PCDH9: variants seen among roughly 807,000 people sequenced by gnomAD.
The protein encoded by PCDH9 is protocadherin 9.
Under a neutral mutation model 70.6 loss-of-function variants are expected in PCDH9, and 24 were observed. That is an observed-to-expected ratio of 0.34 (90% CI 0.25 to 0.48). The LOEUF is 0.48. PCDH9 is among the 20% of genes least tolerant of loss of function. The probability of loss-of-function intolerance (pLI) is 0.99; values close to 1 mark genes in which losing one functional copy is unlikely to be tolerated. For missense variants in PCDH9, 1,281 were observed against 1,503.6 expected (o/e 0.85, Z 2.45); for synonymous variants, 562 against 558.5 (o/e 1.01, Z -0.09).
At chr13:66,417,881 C>T (rs1209672530) in intron 4 of PCDH9, among the ~76,000 whole-genome samples, 2 of 151,946 alleles carry the variant, frequency 1.3e-5, no homozygotes, top group African/African-American at 2.4e-5. Context: ...AATTTGTTTA[C>T]GTTCCTTGTA....
chr13:66,736,493 G>T (rs1261883234), intron 3 of PCDH9, among the ~76,000 whole-genome samples: 1 of 152,152 alleles, frequency 6.6e-6, no homozygotes, highest in Non-Finnish European at 1.5e-5. Context: ...CTAGTCTCAA[G>T]AACTGTTAGA....
chr13:66,997,676 G>A (rs944386591), intron 2 of PCDH9, among the ~76,000 whole-genome samples: 1 of 151,894 alleles, frequency 6.6e-6, no homozygotes, highest in Admixed American at 6.6e-5. Context: ...CTGGGACTAC[G>A]GGCGCACATC....
At chr13:67,011,332 C>A (rs1340725167) in intron 2 of PCDH9, among the ~76,000 whole-genome samples, 1 of 151,870 alleles carries the variant, frequency 6.6e-6, no homozygotes, top group African/African-American at 2.4e-5. Flanking sequence ...TAGTGAATTA[C>A]AAATTTATCA....
chr13:67,116,437 T>G (rs1288204411), intron 2 of PCDH9, among the ~76,000 whole-genome samples: 2 of 152,240 alleles, frequency 1.3e-5, no homozygotes, highest in Middle Eastern at 3.4e-3. Flanking sequence ...GTTTATCCAG[T>G]CAGGAAGGAG....
At chr13:66,737,545 C>T (rs775402932) in intron 3 of PCDH9, among the ~76,000 whole-genome samples, 60 of 152,074 alleles carry the variant, frequency 3.9e-4, no homozygotes, top group Non-Finnish European at 4.0e-4. Context: ...GCGTGAGCGA[C>T]GCAGAAGACG....
intron 2 of PCDH9, among the ~76,000 whole-genome samples, chr13:67,027,825 C>T (rs1436964948): frequency 1.0e-5 from 1 of 95,284 alleles, no homozygotes; most frequent in East Asian, 2.0e-3. Context: ...AAAATGCTCA[C>T]CATCACTGGC....
chr13:66,503,714 T>C (rs1959189229), intron 4 of PCDH9, among the ~76,000 whole-genome samples: 1 of 152,324 alleles, frequency 6.6e-6, no homozygotes, highest in South Asian at 2.1e-4. Context: ...GCGCTTTGCA[T>C]AGTATGCTTT....
At chr13:66,928,500 G>C (rs2082751917) in intron 2 of PCDH9, among the ~76,000 whole-genome samples, 3 of 152,098 alleles carry the variant, frequency 2.0e-5, no homozygotes, top group African/African-American at 7.2e-5. Flanking sequence ...ATAGTCTGAA[G>C]GTTTGTGTTC....
chr13:67,126,568 G>T (rs1434734339), intron 2 of PCDH9, among the ~76,000 whole-genome samples: 1 of 152,100 alleles, frequency 6.6e-6, no homozygotes, highest in Non-Finnish European at 1.5e-5. Context: ...AAATAAATAG[G>T]GGCCTGGCAC....
At chr13:66,802,160 G>A (rs1426585296) in intron 3 of PCDH9, among the ~76,000 whole-genome samples, 1 of 151,220 alleles carries the variant, frequency 6.6e-6, no homozygotes, top group Non-Finnish European at 1.5e-5. Context: ...ATTTGTTTTA[G>A]TCTGCCCTTA....
intron 3 of PCDH9, among the ~76,000 whole-genome samples, chr13:66,667,276 C>T (rs1391895918): frequency 6.6e-6 from 1 of 152,106 alleles, no homozygotes; most frequent in East Asian, 1.9e-4. Flanking sequence ...ATGTGTCATC[C>T]CTGTGAAAGC....
At chr13:67,134,596 C>CTTT (rs2087186277) in intron 2 of PCDH9, among the ~76,000 whole-genome samples, 4 of 151,848 alleles carry the variant, frequency 2.6e-5, no homozygotes, top group South Asian at 2.1e-4. Flanking sequence ...TGTTTTTCTT[C>CTTT]CTTTCTTTCT....
chr13:66,532,415 T>G (rs1960507447), intron 4 of PCDH9, among the ~76,000 whole-genome samples: 1 of 152,186 alleles, frequency 6.6e-6, no homozygotes, highest in South Asian at 2.1e-4. Context: ...TAGATCAGTA[T>G]GTTTTAATAT....
intron 3 of PCDH9, among the ~76,000 whole-genome samples, chr13:66,824,297 T>G (rs2080769741): frequency 7.5e-6 from 1 of 133,952 alleles, no homozygotes; most frequent in African/African-American, 2.7e-5. Context: ...CCTCATTTGT[T>G]TGAAAGTATA....
rs867896822 is a variant in PCDH9, at chr13:67,030,344, A to G, written c.3037-126739T>C. Among the ~76,000 whole-genome samples, 29 of 152,230 alleles carry G rather than the reference A, an allele frequency of 1.9e-4. 1 individual carries two copies. The Middle Eastern group carries it at 0.024, about 125-fold the overall frequency. ...GCTTGCTTCAACTGAGGCTAAGAGG[A>G]TACTTCTACCAGAGGTCCCCTCTGT... On this transcript the variant is annotated intron_variant, in intron 2 of 4. Transcript: ENST00000377865.
chr13:66,461,980 TTGAG>T (rs1958432791), intron 4 of PCDH9, among the ~76,000 whole-genome samples: 1 of 151,794 alleles, frequency 6.6e-6, no homozygotes, highest in South Asian at 2.1e-4. Context: ...CTTGTATTTA[TTGAG>T]TAATTGTTGC....
At chr13:66,509,345 T>C (rs1272785219) in intron 4 of PCDH9, among the ~76,000 whole-genome samples, 1 of 152,192 alleles carries the variant, frequency 6.6e-6, no homozygotes, top group Non-Finnish European at 1.5e-5. Flanking sequence ...ATGTAAACAT[T>C]GAAGGGTCCC....
intron 2 of PCDH9, among the ~76,000 whole-genome samples, chr13:67,010,214 T>C (rs992478193): frequency 6.6e-6 from 1 of 152,014 alleles, no homozygotes; most frequent in Admixed American, 6.6e-5. Context: ...TGTTTTAAGA[T>C]AAAACTGAAC....
In PCDH9 at chr13:67,168,527, C is replaced by T. The variant is rs764427215; in HGVS notation, c.3036+56878G>A. ...GAATTGCTTGAGCCCAGGAGTTCAA[C>T]GCCAGCCTGGGCAACATAGTGAGAC... On this transcript the variant is annotated intron_variant, in intron 2 of 4. Transcript: ENST00000377865. Among the ~76,000 whole-genome samples, 6 of 151,892 alleles carry T rather than the reference C, an allele frequency of 4.0e-5. No homozygotes were observed. The East Asian group carries it at 7.8e-4, about 20-fold the overall frequency.
Sources: allele counts gnomAD v4.1 joint callset (sites outside exome capture counted in the v4.1 genomes callset), GRCh38; gene constraint gnomAD v4.1.1; transcripts MANE v1.5; gene names NCBI Gene and HGNC (gene_info 2026-07-23, HGNC 2026-07-21).